The following SEMA6D variants were observed in gnomAD, a reference collection of about 807,000 sequenced individuals.
SEMA6D encodes semaphorin 6D, also known as semaphorin-6D.
Under a neutral mutation model 106.6 loss-of-function variants are expected in SEMA6D, and 35 were observed. That is an observed-to-expected ratio of 0.33 (90% CI 0.25 to 0.44). The LOEUF (loss-of-function observed/expected upper bound fraction) is 0.44. Ranked by LOEUF, SEMA6D falls within the 20% of genes least tolerant of loss-of-function variation. The pLI is 1.00. For synonymous variants in SEMA6D, 499 were observed against 487.7 expected (o/e 1.02, Z -0.31); for missense variants, 1,185 against 1,345.9 (o/e 0.88, Z 1.87).
At chr15:47,536,314 G>A (rs149719009) in intron 3 of SEMA6D, among the ~76,000 whole-genome samples, 128 of 152,256 alleles carry the variant, frequency 8.4e-4, no homozygotes, top group African/African-American at 2.7e-3. Flanking sequence ...AATAAATAAG[G>A]TATTGTCTTC....
At chr15:47,409,675 A>C (rs1361692243) in intron 1 of SEMA6D, among the ~76,000 whole-genome samples, 1 of 152,142 alleles carries the variant, frequency 6.6e-6, no homozygotes, top group Non-Finnish European at 1.5e-5. Flanking sequence ...TGAGTTGTAG[A>C]GAGGTGAAGT....
rs1223902467 is a variant in SEMA6D at position 47,770,570 on chromosome 15, T to C, written c.2007T>C (p.Phe669=). The stretch of plus-strand genomic sequence containing the variant: ...TGAATGTCCTCATCACCTGTGTCTT[T>C]GCTGCTTTTGTTTTGGGGGCATTCA... ...VHMNVLITCV[F]AAFVLGAFIA... is the part of the protein sequence containing the mutation. The change falls in exon 19 of 19, where the codon TTT becomes TTC. Residue 669 remains phenylalanine (F), a synonymous_variant. Transcript: ENST00000536845. 7 of 1,613,840 alleles carry C rather than the reference T, an allele frequency of 4.3e-6. No individual in the cohort carries two copies. Among genetic ancestry groups the C allele is most frequent in the Middle Eastern group, 1.6e-4 (1 of 6,076 alleles).
chr15:47,365,129 C>T (rs1406338996), intron 1 of SEMA6D, among the ~76,000 whole-genome samples: 1 of 152,188 alleles, frequency 6.6e-6, no homozygotes, highest in African/African-American at 2.4e-5. Context: ...ATCCCACAGA[C>T]AGAACCTTCA....
At chr15:47,254,820 G>C (rs143115867) in intron 1 of SEMA6D, among the ~76,000 whole-genome samples, 2 of 150,254 alleles carry the variant, frequency 1.3e-5, no homozygotes, top group East Asian at 3.9e-4. Flanking sequence ...TGATTTGCTA[G>C]TATTTTGTTG....
intron 4 of SEMA6D, among the ~76,000 whole-genome samples, chr15:47,646,606 C>T (rs547659533): frequency 3.9e-5 from 6 of 152,310 alleles, no homozygotes; most frequent in South Asian, 2.1e-4. Flanking sequence ...CACTGTACTT[C>T]TCTCTAAGCC....
intron 3 of SEMA6D, among the ~76,000 whole-genome samples, chr15:47,500,491 A>G (rs1255410627): frequency 6.6e-6 from 1 of 152,152 alleles, no homozygotes; most frequent in African/African-American, 2.4e-5. Flanking sequence ...AAATCATTTT[A>G]TATAAATTTA....
intron 1 of SEMA6D, among the ~76,000 whole-genome samples, chr15:47,190,158 C>T (rs1893863068): frequency 6.6e-6 from 1 of 152,134 alleles, no homozygotes; most frequent in Non-Finnish European, 1.5e-5. Context: ...TAATTAATAA[C>T]ATTTGGGCAG....
chr15:47,527,507 A>C (rs1213066974), intron 3 of SEMA6D, among the ~76,000 whole-genome samples: 4 of 152,198 alleles, frequency 2.6e-5, no homozygotes. Context: ...AAAGGTGTTC[A>C]TGTATATATG....
At chr15:47,768,552 T>G in intron 17 of SEMA6D, 29 bp from the exon 18 acceptor site, 5 of 1,566,296 alleles carry the variant, frequency 3.2e-6, no homozygotes, top group Non-Finnish European at 4.3e-6. Flanking sequence ...ACACTATCCA[T>G]ATTAATAAAA....
intron 1 of SEMA6D, among the ~76,000 whole-genome samples, chr15:47,744,155 G>A (rs72735857): frequency 1.6e-4 from 24 of 152,284 alleles, no homozygotes; most frequent in Admixed American, 9.8e-4. Context: ...AAGCTGACAC[G>A]AAGTTCAGTG....
At chr15:47,513,378 A>G (rs2044291112) in intron 3 of SEMA6D, among the ~76,000 whole-genome samples, 1 of 152,178 alleles carries the variant, frequency 6.6e-6, no homozygotes, top group Non-Finnish European at 1.5e-5. Context: ...GCAATCTTAC[A>G]GTACTAATCT....
At chr15:47,254,708 T>C (rs960153606) in intron 1 of SEMA6D, among the ~76,000 whole-genome samples, 1 of 152,178 alleles carries the variant, frequency 6.6e-6, no homozygotes, top group Non-Finnish European at 1.5e-5. Context: ...GTGAATGTGA[T>C]GTATCATGTT....
At chr15:47,590,690 A>G (rs537511281) in intron 3 of SEMA6D, among the ~76,000 whole-genome samples, 2 of 152,262 alleles carry the variant, frequency 1.3e-5, no homozygotes, top group South Asian at 2.1e-4. Flanking sequence ...AGAGAATGCC[A>G]TGTGATGACA....
chr15:47,387,230 C>T (rs962801435), intron 1 of SEMA6D, among the ~76,000 whole-genome samples: 1 of 152,188 alleles, frequency 6.6e-6, no homozygotes, highest in African/African-American at 2.4e-5. Context: ...GTGCTCATCT[C>T]TAGCACTCAG....
intron 1 of SEMA6D, among the ~76,000 whole-genome samples, chr15:47,207,993 G>GCA (rs57079521): frequency 0.046 from 4,109 of 89,178 alleles, 108 homozygotes; most frequent in South Asian, 0.059. Context: ...TGGCGCGCGC[G>GCA]CACACACACA....
chr15:47,507,354 C>G (rs140311237), intron 3 of SEMA6D, among the ~76,000 whole-genome samples: 1,877 of 137,600 alleles, frequency 0.014, 39 homozygotes, highest in African/African-American at 0.048. Flanking sequence ...CCCCCACCCC[C>G]CCGGGCCTTA....
chr15:47,414,941 T>G (rs1015977845), intron 2 of SEMA6D, among the ~76,000 whole-genome samples: 3 of 152,192 alleles, frequency 2.0e-5, no homozygotes, highest in Admixed American at 1.3e-4. Flanking sequence ...AGGCCTTAGT[T>G]TTTAATTTGT....
intron 4 of SEMA6D, among the ~76,000 whole-genome samples, chr15:47,658,030 A>G (rs892068782): frequency 6.6e-6 from 1 of 151,238 alleles, no homozygotes. Context: ...GTGAGCCACC[A>G]CGCCCAGCAG....
chr15:47,241,138 A>C (rs1281448773), intron 1 of SEMA6D: 1 of 152,228 alleles, frequency 6.6e-6, no homozygotes, highest in Non-Finnish European at 1.5e-5. Context: ...AACAATGTGT[A>C]ACCCAAAATG....
Sources: allele counts gnomAD v4.1 joint callset (sites outside exome capture counted in the v4.1 genomes callset), GRCh38; gene constraint gnomAD v4.1.1; transcripts MANE v1.5; gene names NCBI Gene and HGNC (gene_info 2026-07-23, HGNC 2026-07-21).